The following TRPM3 variants were observed in gnomAD, a reference collection of about 807,000 sequenced individuals.
The protein encoded by TRPM3 is transient receptor potential cation channel subfamily M member 3.
A neutral mutation model predicts 181.2 loss-of-function variants in TRPM3; 77 were observed. The observed-to-expected ratio is 0.42, with a 90% CI of 0.35 to 0.51. TRPM3 has a LOEUF of 0.51. Among genes scored for constraint, TRPM3 ranks in the 20% least tolerant of loss-of-function variants. The pLI is 0.01. For synonymous variants in TRPM3, 745 were observed against 796.4 expected (o/e 0.94, Z 1.09); for missense variants, 1,759 against 2,196.7 (o/e 0.80, Z 3.98).
chr9:71,117,192 C>T (rs757653115), intron 1 of TRPM3, among the ~76,000 whole-genome samples: 11 of 152,184 alleles, frequency 7.2e-5, no homozygotes, highest in Non-Finnish European at 1.3e-4. Flanking sequence ...AATCTTTCAG[C>T]TTCCAGTTGC....
At chr9:70,664,764 C>T (rs1051720734) in intron 9 of TRPM3, among the ~76,000 whole-genome samples, 1 of 147,444 alleles carries the variant, frequency 6.8e-6, no homozygotes, top group African/African-American at 2.5e-5. Context: ...GATTCTCATG[C>T]CTCAGTCTCC....
intron 1 of TRPM3, among the ~76,000 whole-genome samples, chr9:71,100,486 A>G (rs1406811109): frequency 6.6e-6 from 1 of 152,168 alleles, no homozygotes; most frequent in Non-Finnish European, 1.5e-5. Context: ...CCCTAGGAAT[A>G]ATTCTAGTTC....
intron 1 of TRPM3, among the ~76,000 whole-genome samples, chr9:71,420,804 A>G (rs2093735179): frequency 1.4e-4 from 2 of 14,366 alleles, no homozygotes; most frequent in Non-Finnish European, 2.0e-4. Context: ...AGAAAGAAAG[A>G]GAGAAAGAAA....
At chr9:70,917,142 C>T (rs940213895) in intron 1 of TRPM3, 46 of 1,605,650 alleles carry the variant, frequency 2.9e-5, no homozygotes, top group Non-Finnish European at 3.9e-5. Context: ...AGTTCGGCCA[C>T]ATCTGGGGCA....
At chr9:71,382,531 A>G (rs2092825473) in intron 1 of TRPM3, among the ~76,000 whole-genome samples, 1 of 152,172 alleles carries the variant, frequency 6.6e-6, no homozygotes, top group South Asian at 2.1e-4. Context: ...CAACCAGTTC[A>G]CACACATAAG....
intron 6 of TRPM3, among the ~76,000 whole-genome samples, chr9:70,796,023 A>G (rs964751520): frequency 4.6e-5 from 7 of 152,240 alleles, no homozygotes; most frequent in Admixed American, 6.5e-5. Flanking sequence ...TAAGTCTACA[A>G]GAAAACTCTC....
chr9:71,085,112 C>CAT (rs2065052867), intron 1 of TRPM3, among the ~76,000 whole-genome samples: 1 of 152,010 alleles, frequency 6.6e-6, no homozygotes, highest in East Asian at 1.9e-4. Context: ...TACTTTTCAC[C>CAT]ATATACAAAA....
At chr9:70,946,313 T>C (rs888777652) in intron 1 of TRPM3, among the ~76,000 whole-genome samples, 5 of 152,058 alleles carry the variant, frequency 3.3e-5, no homozygotes, top group Admixed American at 3.3e-4. Context: ...CAGCATGTTA[T>C]ACTGGTTAAG....
At chr9:71,095,186 T>C (rs1322097063) in intron 1 of TRPM3, among the ~76,000 whole-genome samples, 2 of 152,216 alleles carry the variant, frequency 1.3e-5, no homozygotes, top group African/African-American at 4.8e-5. Context: ...AGTGTCTGAT[T>C]ACATTTGGCT....
intron 1 of TRPM3, among the ~76,000 whole-genome samples, chr9:70,974,692 G>T (rs2097284951): frequency 6.6e-6 from 1 of 151,834 alleles, no homozygotes; most frequent in Non-Finnish European, 1.5e-5. Flanking sequence ...TCACACGACT[G>T]CACTCCAGTC....
At chr9:70,658,553 C>T (rs1056243538) in intron 9 of TRPM3, among the ~76,000 whole-genome samples, 1 of 151,936 alleles carries the variant, frequency 6.6e-6, no homozygotes, top group Non-Finnish European at 1.5e-5. Flanking sequence ...TATGATATGA[C>T]TTAGTGTATG....
chr9:71,359,084 T>G (rs1398274821), intron 1 of TRPM3, among the ~76,000 whole-genome samples: 1 of 152,202 alleles, frequency 6.6e-6, no homozygotes, highest in African/African-American at 2.4e-5. Context: ...ATCTAAGCAC[T>G]AAGAACTAGG....
At chr9:71,350,052 G>T (rs192634956) in intron 1 of TRPM3, among the ~76,000 whole-genome samples, 1 of 150,112 alleles carries the variant, frequency 6.7e-6, no homozygotes, top group East Asian at 2.0e-4. Flanking sequence ...CATTTGCTCT[G>T]ACTTAAGGGT....
At chr9:70,880,577 T>C (rs1008157457) in intron 1 of TRPM3, among the ~76,000 whole-genome samples, 3 of 152,144 alleles carry the variant, frequency 2.0e-5, no homozygotes, top group Non-Finnish European at 4.4e-5. Context: ...CATGTGTGTA[T>C]AGTTGTGTGC....
At chr9:70,924,741 C>T (rs78471717) in intron 1 of TRPM3, among the ~76,000 whole-genome samples, 4,478 of 152,180 alleles carry the variant, frequency 0.029, 211 homozygotes, top group African/African-American at 0.1. Flanking sequence ...ATACGTAAGC[C>T]TTATAGTCCT....
At chr9:71,327,614 T>C (rs2089790785) in intron 1 of TRPM3, among the ~76,000 whole-genome samples, 1 of 152,170 alleles carries the variant, frequency 6.6e-6, no homozygotes, top group African/African-American at 2.4e-5. Flanking sequence ...AATGAACTAG[T>C]GTTTCAAAAT....
chr9:71,037,528 C>T (rs1343533299), intron 1 of TRPM3, among the ~76,000 whole-genome samples: 2 of 152,220 alleles, frequency 1.3e-5, no homozygotes, highest in African/African-American at 4.8e-5. Context: ...TGTGTGTGTG[C>T]ACACATGCGT....
At chr9:70,908,645 C>G (rs906033945) in intron 1 of TRPM3, among the ~76,000 whole-genome samples, 2 of 152,184 alleles carry the variant, frequency 1.3e-5, no homozygotes, top group African/African-American at 4.8e-5. Context: ...GTAATTTTAA[C>G]TTAAATCCCA....
In TRPM3 at chr9:70,549,690, A is replaced by T. The variant is rs780960347; in HGVS notation, c.3575-16T>A. The T allele has an allele frequency of 6.3e-7, 1 of 1,582,976 alleles. No individual in the cohort carries two copies. The highest frequency in any genetic ancestry group is 1.9e-5 in the Admixed American group (1 of 53,976). On this transcript the variant is annotated splice_polypyrimidine_tract_variant and intron_variant, in intron 24 of 25. Transcript: ENST00000677713. Reference sequence around the variant, plus strand: ...ATGAAGAGTTCTGTGGAAAAAAAAAAAAAGGAAGTCTTGAGGGAGAGAAGT... The same window carrying T: ...ATGAAGAGTTCTGTGGAAAAAAAAATAAAGGAAGTCTTGAGGGAGAGAAGT...
Sources: allele counts gnomAD v4.1 joint callset (sites outside exome capture counted in the v4.1 genomes callset), GRCh38; gene constraint gnomAD v4.1.1; transcripts MANE v1.5; gene names NCBI Gene and HGNC (gene_info 2026-07-23, HGNC 2026-07-21).